PCDHGA6: variants seen among roughly 807,000 people sequenced by gnomAD.
PCDHGA6 encodes the protein protocadherin gamma subfamily A, 6.
PCDHGA6 carries 41 observed loss-of-function variants against 60.6 expected under a neutral mutation model. The observed-to-expected ratio is 0.68, with a 90% CI of 0.53 to 0.88. The LOEUF (loss-of-function observed/expected upper bound fraction) is 0.88, where lower values mean the gene tolerates loss of function less well. Among genes scored for constraint, PCDHGA6 ranks in the 40% least tolerant of loss-of-function variants. The pLI is 0.00. For missense variants in PCDHGA6, 1,312 were observed against 1,203.0 expected, an observed-to-expected ratio of 1.09 and a Z score of -1.34; for synonymous variants, 594 against 524.4, an observed-to-expected ratio of 1.13 and a Z score of -1.81.
At chr5:141,379,889 CTTTTTTTTTTTTTTTTTTT>C (rs70988800) in intron 1 of PCDHGA6, among the ~76,000 whole-genome samples, 3 of 50,830 alleles carry the variant, frequency 5.9e-5, no homozygotes, top group African/African-American at 1.3e-4. Flanking sequence ...GTGAAAGCCT[CTTTTTTTTTTTTTTTTTTT>C]TTTTTTTTTT....
chr5:141,422,594 C>G, intron 1 of PCDHGA6: 1 of 1,614,090 alleles, frequency 6.2e-7, no homozygotes, highest in Non-Finnish European at 8.5e-7. Flanking sequence ...TTTCCTCACT[C>G]CTCTTACTCT....
At position 141,491,466 on chromosome 5, in the gene PCDHGA6, T is replaced by C; in HGVS notation, c.2425-3341T>C. The C allele has an allele frequency of 6.2e-7, 1 of 1,614,068 alleles. No homozygotes were observed. The highest frequency in any genetic ancestry group is 8.5e-7 in the Non-Finnish European group (1 of 1,179,986). ...AGGACTCACCCTCCCCGGACTTCTA[T>C]AAGCAGTCCAGCCCCAACCTGCAGG... On this transcript the variant is annotated intron_variant, in intron 1 of 3. Transcript: ENST00000517434. The surrounding 1 kb of genome is among the most constrained non-coding windows in gnomAD (Gnocchi z 6.9).
chr5:141,441,836 C>T (rs1026890754), intron 1 of PCDHGA6: 2 of 354,006 alleles, frequency 5.6e-6, no homozygotes, highest in Non-Finnish European at 1.1e-5. Flanking sequence ...AATGGCTTCG[C>T]GCTCTTGGAT....
At chr5:141,502,880 T>TTTTTTTTTTG (rs2099816747) in intron 2 of PCDHGA6, among the ~76,000 whole-genome samples, 1 of 151,000 alleles carries the variant, frequency 6.6e-6, no homozygotes, top group African/African-American at 2.4e-5. Context: ...TTTTTTTTTT[T>TTTTTTTTTTG]GACAGGGAGT....
At chr5:141,488,198 G>C (rs1007623840) in intron 1 of PCDHGA6, among the ~76,000 whole-genome samples, 1 of 152,166 alleles carries the variant, frequency 6.6e-6, no homozygotes, top group Non-Finnish European at 1.5e-5. Flanking sequence ...CTGGGTCTTA[G>C]GACTCATATC....
rs185055424 is a variant in PCDHGA6, at chr5:141,457,894, G to A, written c.2425-36913G>A. Among the ~76,000 whole-genome samples the A allele has an allele frequency of 3.2e-3, 488 of 152,332 alleles. 1 individual carries two copies. Among genetic ancestry groups the A allele is most frequent in the Non-Finnish European group, 5.0e-3 (342 of 68,028 alleles). On this transcript the variant is annotated intron_variant, in intron 1 of 3. Transcript: ENST00000517434. ...GTTAGGAACCCTGTGTGGGGACTGT[G>A]TAGACAAGGTGTGAGGCCAGTTCTC...
At chr5:141,427,132 G>A (rs755992698) in intron 1 of PCDHGA6, 1 of 457,106 alleles carries the variant, frequency 2.2e-6, no homozygotes, top group South Asian at 1.5e-5. Flanking sequence ...AAATCCCTAC[G>A]AGATGATATT....
intron 1 of PCDHGA6, chr5:141,393,496 T>C (rs960048710): frequency 1.9e-6 from 3 of 1,613,940 alleles, no homozygotes; most frequent in Non-Finnish European, 8.5e-7. Flanking sequence ...ACAGTGCGCA[T>C]CCACGTGACA....
chr5:141,490,549 C>T lies in PCDHGA6; in HGVS notation c.2425-4258C>T, dbSNP rs2099701539. ...TGCTGGTTCACCTTCCCTACACAAA[C>T]ATCTCACCATCAGGCTCAACATTTC... On this transcript the variant is annotated intron_variant, in intron 1 of 3. Transcript: ENST00000517434. The surrounding 1 kb of genome is among the most constrained non-coding windows in gnomAD (Gnocchi z 5.4). The T allele has an allele frequency of 1.9e-6, 3 of 1,614,178 alleles. No homozygotes were observed. The highest frequency in any genetic ancestry group is 1.7e-6 in the Non-Finnish European group (2 of 1,180,024).
intron 1 of PCDHGA6, chr5:141,423,216 G>A (rs376530221): frequency 1.2e-6 from 2 of 1,613,632 alleles, no homozygotes; most frequent in African/African-American, 2.7e-5. Flanking sequence ...CGCTCACCGT[G>A]GCTGTGGCCG....
In PCDHGA6 at chr5:141,489,906, C is replaced by T. The variant is rs550717535; in HGVS notation, c.2425-4901C>T. On this transcript the variant is annotated intron_variant, in intron 1 of 3. Transcript: ENST00000517434. The surrounding 1 kb of genome is among the most constrained non-coding windows in gnomAD (Gnocchi z 4.5). ...CTGTGGATGGGGGGACCCCAGCCCG[C>T]TCAGGGACCACCCTTATCTCTGTCA... 4.5e-5 allele frequency: 72 copies of T among 1,614,234 alleles called. No individual in the cohort carries two copies. In the African/African-American group the frequency reaches 5.6e-4, roughly 13 times the overall value.
chr5:141,408,636 C>T (rs1236637669), intron 1 of PCDHGA6: 2 of 1,614,024 alleles, frequency 1.2e-6, no homozygotes. Flanking sequence ...ATTTTCGAAT[C>T]TGCATCCGCT....
At chr5:141,395,029 A>G (rs1589250627) in intron 1 of PCDHGA6, 1 of 1,613,976 alleles carries the variant, frequency 6.2e-7, no homozygotes, top group Non-Finnish European at 8.5e-7. Context: ...CCTGCCTCAC[A>G]TTTTGTGGGT....
rs766428179 is a variant in PCDHGA6, at chr5:141,395,052, C to T, written c.2424+18545C>T. 25 of 1,614,148 alleles carry T rather than the reference C, an allele frequency of 1.5e-5. No homozygotes were observed. In the African/African-American group the frequency reaches 3.2e-4, roughly 21 times the overall value. On this transcript the variant is annotated intron_variant, in intron 1 of 3. Coordinates refer to ENST00000517434, the MANE Select transcript of PCDHGA6 (RefSeq NM_018919.3). Reference sequence around the variant, plus strand: ...ACATTTTGTGGGTGTTGAGGAGGTACAGGCTTTCCTGCAGACCTATTCCCA... The same window carrying T: ...ACATTTTGTGGGTGTTGAGGAGGTATAGGCTTTCCTGCAGACCTATTCCCA...
chr5:141,505,413 C>G lies in PCDHGA6; in HGVS notation c.2504C>G (p.Thr835Ser). ...CCCAGCTCCCAAAATGGCGATGACA[C>G]CGGCACCTGGCCCAACAACCAGTTT... Reference protein sequence around the residue: ...GTSGSQNGDDTGTWPNNQFDT... With the variant: ...GTSGSQNGDDSGTWPNNQFDT... Residue 835 changes from threonine to serine, a missense_variant, in exon 3 of 4, where the codon ACC (threonine) becomes AGC (serine). Physicochemically the swap from Thr to Ser is moderately conservative, Grantham distance 58. Coordinates refer to ENST00000517434, the MANE Select transcript of PCDHGA6 (RefSeq NM_018919.3). 2.5e-6 allele frequency: 4 copies of G among 1,614,202 alleles called. No individual in the cohort carries two copies. In the South Asian group the frequency reaches 4.4e-5, roughly 18 times the overall value.
chr5:141,491,908 G>A lies in PCDHGA6; in HGVS notation c.2425-2899G>A. ...GGGGCTCCGAGCACCGGGGGTGGTG[G>A]CGACTGTGGGCGAGGGGAGGTGGGA... On this transcript the variant is annotated intron_variant, in intron 1 of 3. Transcript: ENST00000517434. The surrounding 1 kb of genome is among the most constrained non-coding windows in gnomAD (Gnocchi z 6.9). The A allele has an allele frequency of 7.1e-7, 1 of 1,408,288 alleles. No individual in the cohort carries two copies. Among genetic ancestry groups the A allele is most frequent in the East Asian group, 2.5e-5 (1 of 39,276 alleles). The allele number at this position is 1,408,288 out of a possible 1,614,324, so 87.2% of individuals were successfully genotyped here. A position where few individuals can be genotyped will look rare whatever the true frequency, so the allele number is the denominator to read the frequency against.
In PCDHGA6 at chr5:141,418,244, C is replaced by T. The variant is rs746986702; in HGVS notation, c.2424+41737C>T. 1.3e-5 allele frequency: 21 copies of T among 1,613,980 alleles called. No individual in the cohort carries two copies. The South Asian group carries it at 2.2e-4, about 17-fold the overall frequency. ...TGTGGTGATTGAGGATGTTAATGAC[C>T]ACGCCCCTCAATTCCGGAAAGATGA... is the stretch of plus-strand genomic sequence containing the variant. On this transcript the variant is annotated intron_variant, in intron 1 of 3. Transcript: ENST00000517434.
intron 1 of PCDHGA6, chr5:141,421,421 T>A (rs982627903): frequency 6.2e-7 from 1 of 1,613,876 alleles, no homozygotes; most frequent in Non-Finnish European, 8.5e-7. Flanking sequence ...AAGCGCGGAG[T>A]CCGCATCGTC....
At position 141,491,303 on chromosome 5, in the gene PCDHGA6, C is replaced by T; in HGVS notation, c.2425-3504C>T. On this transcript the variant is annotated intron_variant, in intron 1 of 3. Coordinates refer to ENST00000517434, the MANE Select transcript of PCDHGA6 (RefSeq NM_018919.3). This position sits in a 1 kb window ranked among gnomAD's most constrained non-coding sequence, Gnocchi z 6.9. ...TTCCTCATACACCCTCCTGAGCGTT[C>T]AGACCTTACCCTTTACCTCATTGTG... 6.2e-7 allele frequency: 1 copy of T among 1,614,132 alleles called. No homozygotes were observed. The highest frequency in any genetic ancestry group is 8.5e-7 in the Non-Finnish European group (1 of 1,179,962).
Sources: allele counts gnomAD v4.1 joint callset (sites outside exome capture counted in the v4.1 genomes callset), GRCh38; gene constraint gnomAD v4.1.1; non-coding constraint Gnocchi (gnomAD v3.1); transcripts MANE v1.5; gene names NCBI Gene and HGNC (gene_info 2026-07-23, HGNC 2026-07-21).